Variants in FOXN2 observed in about 807,000 individuals in gnomAD.
FOXN2 encodes the protein forkhead box protein N2.
A neutral mutation model predicts 41.2 loss-of-function variants in FOXN2; 19 were observed. The ratio of observed to expected loss-of-function variants is 0.46; its 90% confidence interval spans 0.32 to 0.68. The LOEUF is 0.68. FOXN2 is among the 30% of genes least tolerant of loss of function. The probability of loss-of-function intolerance (pLI) is 0.03; values close to 1 mark genes in which losing one functional copy is unlikely to be tolerated. For missense variants in FOXN2, 587 were observed against 509.4 expected (o/e 1.15, Z -1.47); for synonymous variants, 195 against 176.8 (o/e 1.10, Z -0.82).
intron 3 of FOXN2, among the ~76,000 whole-genome samples, chr2:48,352,303 C>T (rs115801800): frequency 0.034 from 5,161 of 152,220 alleles, 147 homozygotes; most frequent in Non-Finnish European, 0.052. Flanking sequence ...ATGTCTAAAT[C>T]CACTGACTTC....
chr2:48,340,463 C>T (rs1670676010), intron 2 of FOXN2, among the ~76,000 whole-genome samples: 1 of 151,992 alleles, frequency 6.6e-6, no homozygotes, highest in Admixed American at 6.5e-5. Context: ...ACGTAATATG[C>T]AGATGTGCAA....
chr2:48,370,336 G>A (rs991999243), intron 5 of FOXN2, among the ~76,000 whole-genome samples: 2 of 148,098 alleles, frequency 1.4e-5, no homozygotes, highest in African/African-American at 4.9e-5. Context: ...GAATTGGAGA[G>A]GTCATTGTTT....
intron 3 of FOXN2, among the ~76,000 whole-genome samples, chr2:48,347,727 T>G (rs1671204821): frequency 6.6e-6 from 1 of 152,252 alleles, no homozygotes; most frequent in South Asian, 2.1e-4. Flanking sequence ...TGGCACCTGA[T>G]GCCCTATTGG....
At chr2:48,363,953 G>A (rs1279045734) in intron 5 of FOXN2, among the ~76,000 whole-genome samples, 1 of 152,070 alleles carries the variant, frequency 6.6e-6, no homozygotes, top group Non-Finnish European at 1.5e-5. Context: ...TTAAGAGATG[G>A]CGTCTTGCCA....
At chr2:48,367,629 A>G (rs1038664352) in intron 5 of FOXN2, among the ~76,000 whole-genome samples, 1 of 152,232 alleles carries the variant, frequency 6.6e-6, no homozygotes, top group Non-Finnish European at 1.5e-5. Context: ...TACAAAGCTT[A>G]TACCATTTGA....
At chr2:48,352,705 A>T (rs1177571866) in intron 3 of FOXN2, among the ~76,000 whole-genome samples, 1 of 152,168 alleles carries the variant, frequency 6.6e-6, no homozygotes, top group Non-Finnish European at 1.5e-5. Flanking sequence ...AATCTGAGTC[A>T]TCTTGGGTAC....
intron 3 of FOXN2, among the ~76,000 whole-genome samples, chr2:48,353,052 C>T (rs1487622978): frequency 6.6e-6 from 1 of 152,108 alleles, no homozygotes; most frequent in Admixed American, 6.6e-5. Context: ...CAGGTATGTT[C>T]CTAGATCCAG....
chr2:48,374,683 A>C (rs561705841), intron 6 of FOXN2, among the ~76,000 whole-genome samples: 1 of 152,342 alleles, frequency 6.6e-6, no homozygotes, highest in Admixed American at 6.5e-5. Context: ...ATTCCTTGTA[A>C]GCAATTCAAA....
At chr2:48,346,912 A>G (rs909105082) in intron 3 of FOXN2, among the ~76,000 whole-genome samples, 161 bp downstream of exon 3, 1 of 152,158 alleles carries the variant, frequency 6.6e-6, no homozygotes, top group Non-Finnish European at 1.5e-5. Context: ...ATGTTTTAAA[A>G]TTTCTTAAAT....
intron 2 of FOXN2, among the ~76,000 whole-genome samples, chr2:48,337,815 G>A (rs753439326): frequency 9.2e-5 from 14 of 152,050 alleles, no homozygotes; most frequent in Non-Finnish European, 1.9e-4. Context: ...AATAACCATA[G>A]CCACAAAATA....
chr2:48,370,637 A>G (rs1672830246), intron 5 of FOXN2, among the ~76,000 whole-genome samples: 1 of 151,880 alleles, frequency 6.6e-6, no homozygotes, highest in Admixed American at 6.6e-5. Context: ...CCCATTTTTA[A>G]ATTAGAGGAT....
intron 2 of FOXN2, among the ~76,000 whole-genome samples, chr2:48,337,747 C>G (rs1439247690): frequency 6.6e-6 from 1 of 151,992 alleles, no homozygotes; most frequent in East Asian, 1.9e-4. Context: ...AGAATTGATA[C>G]ATAATGGGAA....
At chr2:48,344,485 C>T (rs1670969426) in intron 2 of FOXN2, among the ~76,000 whole-genome samples, 1 of 152,204 alleles carries the variant, frequency 6.6e-6, no homozygotes, top group African/African-American at 2.4e-5. Context: ...TAAATTCTGA[C>T]AGTTCCACTT....
At position 48,318,395 on chromosome 2, in the gene FOXN2, G is replaced by T. The variant is rs1485679393; in HGVS notation, c.-157+3581G>T. On this transcript the variant is annotated intron_variant, in intron 1 of 6. Transcript: ENST00000340553. ...GAGATTTATCTGGTATTTTTCTGAT[G>T]ATTAGACTGGGATTATGAGTTTTAG... is the stretch of plus-strand genomic sequence containing the variant. Among the ~76,000 whole-genome samples, 6 of 152,052 alleles carry T rather than the reference G, an allele frequency of 3.9e-5. 1 individual carries two copies.
At chr2:48,363,206 C>T (rs1374581928) in intron 5 of FOXN2, among the ~76,000 whole-genome samples, 1 of 151,988 alleles carries the variant, frequency 6.6e-6, no homozygotes, top group South Asian at 2.1e-4. Context: ...TTGATCTTGA[C>T]CCTGTGTATG....
chr2:48,364,189 G>A (rs952920540), intron 5 of FOXN2, among the ~76,000 whole-genome samples: 1 of 152,012 alleles, frequency 6.6e-6, no homozygotes, highest in Non-Finnish European at 1.5e-5. Flanking sequence ...TAAAGAGAAA[G>A]TAAAGTCATT....
intron 3 of FOXN2, among the ~76,000 whole-genome samples, chr2:48,350,077 A>T (rs1191873690): frequency 6.6e-6 from 1 of 152,214 alleles, no homozygotes; most frequent in Admixed American, 6.5e-5. Flanking sequence ...ATGAAGACAG[A>T]TGTACAGAAT....
At chr2:48,360,080 A>G (rs534450558) in intron 4 of FOXN2, among the ~76,000 whole-genome samples, 1 of 152,192 alleles carries the variant, frequency 6.6e-6, no homozygotes, top group South Asian at 2.1e-4. Flanking sequence ...GTATTTGCTT[A>G]TAATTTTCCT....
At chr2:48,370,481 A>G (rs139068040) in intron 5 of FOXN2, among the ~76,000 whole-genome samples, 69 of 152,232 alleles carry the variant, frequency 4.5e-4, no homozygotes, top group African/African-American at 1.6e-3. Context: ...ACTGTAGCCT[A>G]CCTTCTCCTT....
Sources: gnomAD v4.1 joint callset for allele counts (sites outside exome capture counted in the v4.1 genomes callset) on GRCh38, gnomAD v4.1.1 for gene constraint, MANE v1.5 for transcripts, NCBI Gene and HGNC (gene_info 2026-07-23, HGNC 2026-07-21) for gene names.